The following CYREN variants were observed in gnomAD, a reference collection of about 807,000 sequenced individuals.
CYREN encodes cell cycle regulator of NHEJ.
Under a neutral mutation model 9.7 loss-of-function variants are expected in CYREN, and 7 were observed. The observed-to-expected ratio is 0.72, with a 90% CI of 0.41 to 1.36. The LOEUF (loss-of-function observed/expected upper bound fraction) is 1.36, where lower values mean the gene tolerates loss of function less well. Among genes scored for constraint, CYREN ranks in the 40% most tolerant of loss-of-function variants. CYREN has a pLI of 0.01. For missense variants in CYREN, 215 were observed against 198.1 expected (o/e 1.09, Z -0.51); for synonymous variants, 76 against 77.9 (o/e 0.98, Z 0.13).
chr7:135,105,242 G>A (rs1040359091), intron 2 of CYREN, among the ~76,000 whole-genome samples: 2 of 151,856 alleles, frequency 1.3e-5, no homozygotes, highest in Admixed American at 6.6e-5. Flanking sequence ...GCTAATTTTT[G>A]CATTTTTAGT....
At chr7:135,100,520 A>C (rs1823674221) in intron 2 of CYREN, among the ~76,000 whole-genome samples, 1 of 152,160 alleles carries the variant, frequency 6.6e-6, no homozygotes, top group Admixed American at 6.5e-5. Flanking sequence ...CAACAGAGAG[A>C]CCATGGTATA....
downstream of CYREN, among the ~76,000 whole-genome samples, chr7:135,160,821 T>A (rs555843466): frequency 3.3e-5 from 5 of 150,320 alleles, no homozygotes; most frequent in Admixed American, 3.3e-4. Flanking sequence ...GACACTAGAG[T>A]GGAGAATAAA....
intron 3 of CYREN, 180 bp from the exon 4 acceptor site, chr7:135,167,051 TC>T (rs1216665424): frequency 1.7e-5 from 17 of 984,928 alleles, no homozygotes; most frequent in Non-Finnish European, 2.0e-5. Flanking sequence ...CCTGACCCCC[TC>T]TTCACAGCTC....
At chr7:135,145,641 A>C (rs1341462190) in intron 2 of CYREN, among the ~76,000 whole-genome samples, 1 of 152,204 alleles carries the variant, frequency 6.6e-6, no homozygotes, top group African/African-American at 2.4e-5. Context: ...AAGCAAACAA[A>C]CTTTTTAAAA....
Position 135,128,277 on chromosome 7 carries a change from G to A in CYREN, n.357-33695C>T, listed in dbSNP as rs570656811. ...ACTGCACTCCAGCCTGGGCAACAGAGTGAGACTCCATCTCAAAAAAAAAAA... is the reference window on the plus strand; with the variant it reads ...ACTGCACTCCAGCCTGGGCAACAGAATGAGACTCCATCTCAAAAAAAAAAA... On this transcript the variant is annotated intron_variant and non_coding_transcript_variant, in intron 2 of 2. Coordinates refer to the CYREN transcript ENST00000459937. 1.2e-3 allele frequency among the ~76,000 whole-genome samples: 129 copies of A among 104,722 alleles called. 3 individuals carry two copies. Among genetic ancestry groups the A allele is most frequent in the African/African-American group, 4.8e-3 (126 of 26,458 alleles). The allele number at this position is 104,722 out of a possible 152,430, so 68.7% of individuals were successfully genotyped here. A position where few individuals can be genotyped will look rare whatever the true frequency, so the allele number is the denominator to read the frequency against.
intron 2 of CYREN, among the ~76,000 whole-genome samples, chr7:135,130,582 A>C (rs1337101374): frequency 6.6e-6 from 1 of 151,930 alleles, no homozygotes; most frequent in Non-Finnish European, 1.5e-5. Context: ...CTGCTGGAAT[A>C]GGAGAAAGCT....
At chr7:135,097,082 C>A (rs1396207829) in intron 2 of CYREN, among the ~76,000 whole-genome samples, 1 of 152,178 alleles carries the variant, frequency 6.6e-6, no homozygotes, top group Non-Finnish European at 1.5e-5. Context: ...GGGCATACCA[C>A]CCAAATGAAT....
intron 2 of CYREN, among the ~76,000 whole-genome samples, chr7:135,095,967 C>A (rs1378241049): frequency 8.5e-5 from 13 of 152,118 alleles, no homozygotes; most frequent in Non-Finnish European, 1.8e-4. Context: ...GCCTGGCCAA[C>A]ATGGTGAAAC....
At position 135,167,465 on chromosome 7, in the gene CYREN, GCA is replaced by G. The variant is rs111583924; in HGVS notation, c.213+265_213+266del. On this transcript the variant is annotated intron_variant, in intron 3 of 3. Transcript: ENST00000393114. ...ATGTCCCATCCACATACACACCAGT[GCA>G]CAGTCACGCTCTCCCTAACACACAC... The G allele has an allele frequency of 4.6e-4, 614 of 1,339,636 alleles. 8 individuals carry two copies. In the African/African-American group the frequency reaches 5.7e-3, roughly 12 times the overall value. 83.0% of individuals were successfully genotyped at this position (1,339,636 alleles called of 1,614,324 possible). A position where few individuals can be genotyped will look rare whatever the true frequency, so the allele number is the denominator to read the frequency against.
At chr7:135,164,578 G>T, downstream of CYREN, 1 of 1,614,248 alleles carries the variant, frequency 6.2e-7, no homozygotes, top group South Asian at 1.1e-5. Context: ...CCCAACCTGA[G>T]AATCGGCTTC....
intron 2 of CYREN, among the ~76,000 whole-genome samples, chr7:135,096,608 G>GATAC (rs1245860810): frequency 5.3e-5 from 6 of 112,870 alleles, no homozygotes; most frequent in Admixed American, 3.8e-4. Context: ...TAGATAGATA[G>GATAC]ATAGATAGAT....
At chr7:135,154,483 G>A (rs1585346530) in intron 2 of CYREN, among the ~76,000 whole-genome samples, 1 of 152,194 alleles carries the variant, frequency 6.6e-6, no homozygotes, top group African/African-American at 2.4e-5. Flanking sequence ...TTTTGATGTA[G>A]GCATTTAATG....
chr7:135,170,080 A>C (rs1830539809), intron 1 of CYREN, among the ~76,000 whole-genome samples: 1 of 152,246 alleles, frequency 6.6e-6, no homozygotes, highest in African/African-American at 2.4e-5. Context: ...TATTAAGTAC[A>C]TTTCGCAAAC....
chr7:135,101,058 C>T (rs1823756800), intron 2 of CYREN: 2 of 389,920 alleles, frequency 5.1e-6, no homozygotes, highest in Admixed American at 3.1e-5. Context: ...ACAATGAAAT[C>T]AGAGGACCCA....
At chr7:135,094,332 C>G in exon 3 of CYREN, 1 of 456,268 alleles carries the variant, frequency 2.2e-6, no homozygotes. Flanking sequence ...ACCCTGAAAT[C>G]TGAAGAGACA....
At chr7:135,152,961 A>C (rs1469407347) in intron 2 of CYREN, 5 of 152,192 alleles carry the variant, frequency 3.3e-5, no homozygotes, top group Non-Finnish European at 7.3e-5. Flanking sequence ...AATATCCAGA[A>C]TCTACAAGAA....
At chr7:135,108,504 T>A (rs1433198629) in intron 2 of CYREN, among the ~76,000 whole-genome samples, 1 of 152,296 alleles carries the variant, frequency 6.6e-6, no homozygotes, top group Admixed American at 6.5e-5. Context: ...GGTTCAAAAT[T>A]TTTTTCTTTA....
chr7:135,165,216 C>A (rs1244853474), downstream of CYREN: 3 of 525,470 alleles, frequency 5.7e-6, no homozygotes, highest in Non-Finnish European at 1.0e-5. Flanking sequence ...TTCAGGACTT[C>A]CAAGGCTCCC....
At chr7:135,135,193 A>C in intron 2 of CYREN, 1 of 1,548,348 alleles carries the variant, frequency 6.5e-7, no homozygotes, top group Non-Finnish European at 8.7e-7. Context: ...AACTAAAAAT[A>C]AGGATGAGCA....
Sources: gnomAD v4.1 joint callset for allele counts (sites outside exome capture counted in the v4.1 genomes callset) on GRCh38, gnomAD v4.1.1 for gene constraint, MANE v1.5 for transcripts, NCBI Gene and HGNC (gene_info 2026-07-23, HGNC 2026-07-21) for gene names.